Variants in PXDNL observed in about 807,000 individuals in gnomAD.
PXDNL encodes the protein probable oxidoreductase PXDNL.
PXDNL carries 145 observed loss-of-function variants against 150.8 expected under a neutral mutation model. The observed-to-expected ratio is 0.96, with a 90% CI of 0.84 to 1.10. The LOEUF (loss-of-function observed/expected upper bound fraction) is 1.10, where lower values mean the gene tolerates loss of function less well. Ranked by LOEUF, PXDNL falls within the 50% of genes least tolerant of loss-of-function variation. The probability of loss-of-function intolerance (pLI) is 0.00; values close to 1 mark genes in which losing one functional copy is unlikely to be tolerated. For missense variants in PXDNL, 2,087 were observed against 1,873.9 expected, an observed-to-expected ratio of 1.11 and a Z score of -2.10; for synonymous variants, 757 against 725.7, an observed-to-expected ratio of 1.04 and a Z score of -0.69.
intron 3 of PXDNL, among the ~76,000 whole-genome samples, chr8:51,592,271 C>T (rs1386045701): frequency 6.6e-6 from 1 of 152,166 alleles, no homozygotes; most frequent in Non-Finnish European, 1.5e-5. Flanking sequence ...TGGCATAAAG[C>T]TCCTTTAGCC....
At chr8:51,567,132 T>G (rs1812845169) in intron 3 of PXDNL, among the ~76,000 whole-genome samples, 1 of 151,868 alleles carries the variant, frequency 6.6e-6, no homozygotes, top group Non-Finnish European at 1.5e-5. Flanking sequence ...CATTGTGGTT[T>G]GAGAACATAC....
intron 3 of PXDNL, among the ~76,000 whole-genome samples, chr8:51,579,609 A>C (rs1199593457): frequency 2.0e-5 from 3 of 152,064 alleles, no homozygotes; most frequent in African/African-American, 7.2e-5. Flanking sequence ...TAAAGAATAA[A>C]AAATTTAAAT....
intron 1 of PXDNL, among the ~76,000 whole-genome samples, chr8:51,705,749 A>C (rs1816362023): frequency 6.6e-6 from 1 of 152,214 alleles, no homozygotes; most frequent in Non-Finnish European, 1.5e-5. Flanking sequence ...CAGCTACAGC[A>C]TTCAGCTTCT....
intron 12 of PXDNL, among the ~76,000 whole-genome samples, chr8:51,432,890 A>G (rs1362858595): frequency 6.6e-6 from 1 of 152,174 alleles, no homozygotes; most frequent in Non-Finnish European, 1.5e-5. Flanking sequence ...CATTGAGTAC[A>G]TGCAATCTTC....
At chr8:51,773,853 C>T (rs2129244045) in intron 1 of PXDNL, among the ~76,000 whole-genome samples, 1 of 152,324 alleles carries the variant, frequency 6.6e-6, no homozygotes, top group East Asian at 1.9e-4. Context: ...TTCCACTGAA[C>T]TGAATCTTTA....
intron 14 of PXDNL, among the ~76,000 whole-genome samples, chr8:51,422,544 C>T (rs1056234438): frequency 5.3e-5 from 8 of 152,124 alleles, no homozygotes; most frequent in South Asian, 2.1e-4. Context: ...TATTATTGTA[C>T]GTAATGAAAC....
rs937573799 is a variant in PXDNL, at chr8:51,720,766, A to G, written c.165-66006T>C. On this transcript the variant is annotated intron_variant, in intron 1 of 22. Transcript: ENST00000356297. ...TCACCTTTACAGCAGAATAAAGAGC[A>G]TATTCACACAGTCGGCTAGTGGTCA... 5.9e-5 allele frequency among the ~76,000 whole-genome samples: 9 copies of G among 152,228 alleles called. 1 individual carries two copies. The highest frequency in any genetic ancestry group is 8.8e-5 in the Non-Finnish European group (6 of 68,040).
At chr8:51,595,881 A>G (rs752956739) in intron 2 of PXDNL, among the ~76,000 whole-genome samples, 58 of 152,204 alleles carry the variant, frequency 3.8e-4, no homozygotes, top group Non-Finnish European at 5.7e-4. Context: ...GGCTGATTTA[A>G]AGAATATAAA....
chr8:51,573,782 C>T (rs1812994009), intron 3 of PXDNL, among the ~76,000 whole-genome samples: 1 of 151,940 alleles, frequency 6.6e-6, no homozygotes, highest in Non-Finnish European at 1.5e-5. Context: ...AAAGTCTTTA[C>T]CCCCAGTACC....
intron 8 of PXDNL, 38 bp downstream of exon 8, chr8:51,472,149 A>C (rs200807496): frequency 7.6e-7 from 1 of 1,316,386 alleles, no homozygotes; most frequent in Non-Finnish European, 1.1e-6. Flanking sequence ...CTGGAATCAG[A>C]AGGAGAATCA....
chr8:51,721,788 G>A (rs4873201), intron 1 of PXDNL: 273,228 of 370,522 alleles, frequency 0.74, 102,602 homozygotes, highest in East Asian at 0.83. Context: ...CAGATAGTTT[G>A]GTGGAGCTCC....
intron 3 of PXDNL, among the ~76,000 whole-genome samples, chr8:51,576,305 C>A (rs1182933095): frequency 1.3e-5 from 2 of 150,342 alleles, no homozygotes; most frequent in African/African-American, 4.9e-5. Context: ...GAATCCTCAA[C>A]AATTTAAAAT....
chr8:51,450,966 A>G (rs1482446203), intron 10 of PXDNL, among the ~76,000 whole-genome samples: 1 of 152,160 alleles, frequency 6.6e-6, no homozygotes, highest in African/African-American at 2.4e-5. Flanking sequence ...AAGAACAAAA[A>G]TATTTCTACA....
intron 2 of PXDNL, among the ~76,000 whole-genome samples, chr8:51,616,664 A>G (rs1041543963): frequency 4.6e-5 from 7 of 152,222 alleles, no homozygotes; most frequent in African/African-American, 1.7e-4. Flanking sequence ...TATACTTTAA[A>G]TCATCTCTAG....
intron 1 of PXDNL, among the ~76,000 whole-genome samples, chr8:51,667,320 G>C (rs888177923): frequency 3.3e-5 from 5 of 152,154 alleles, no homozygotes; most frequent in African/African-American, 7.2e-5. Flanking sequence ...ATGAATTAAT[G>C]AATGTTTTAC....
intron 4 of PXDNL, among the ~76,000 whole-genome samples, chr8:51,537,099 A>T (rs527581950): frequency 2.0e-5 from 3 of 152,228 alleles, no homozygotes; most frequent in South Asian, 2.1e-4. Context: ...CTCGGATAGT[A>T]TCTCTAGGAC....
chr8:51,655,184 TATTA>T (rs1815125090), intron 1 of PXDNL, among the ~76,000 whole-genome samples: 1 of 152,218 alleles, frequency 6.6e-6, no homozygotes, highest in African/African-American at 2.4e-5. Flanking sequence ...TAGCAAAAAT[TATTA>T]ATTACTTAAT....
rs1808563269 is a variant in PXDNL at position 51,409,493 on chromosome 8, C to T, written c.2131G>A (p.Ala711Thr). 6.2e-7 allele frequency: 1 copy of T among 1,611,800 alleles called. No homozygotes were observed. Among genetic ancestry groups the T allele is most frequent in the Non-Finnish European group, 8.5e-7 (1 of 1,179,378 alleles). Residue 711 changes from alanine (A) to threonine (T), a missense_variant, in exon 17 of 23, where the codon GCT becomes ACT. Ala to Thr is a moderately conservative substitution (Grantham distance 58, BLOSUM62 0). Coordinates refer to ENST00000356297, the MANE Select transcript of PXDNL (RefSeq NM_144651.5). ...GAGCAGTTTGGCAGAGGCCTGCGAG[C>T]TGTGCATCCAGATAAATTGGCGATG... is the stretch of plus-strand genomic sequence containing the variant. Reference protein sequence around the residue: ...SLIANLSGCTARRPLPNCSNR... With the variant: ...SLIANLSGCTTRRPLPNCSNR...
At chr8:51,568,501 G>A (rs1812869849) in intron 3 of PXDNL, among the ~76,000 whole-genome samples, 1 of 151,770 alleles carries the variant, frequency 6.6e-6, no homozygotes, top group South Asian at 2.1e-4. Flanking sequence ...ATACAGGTAA[G>A]GTGTTTTTAC....
Sources: allele counts gnomAD v4.1 joint callset (sites outside exome capture counted in the v4.1 genomes callset), GRCh38; gene constraint gnomAD v4.1.1; transcripts MANE v1.5; gene names NCBI Gene and HGNC (gene_info 2026-07-23, HGNC 2026-07-21).